The following COL10A1 variants were observed in gnomAD, a reference collection of about 807,000 sequenced individuals.
COL10A1 encodes the protein collagen alpha-1(X) chain.
A neutral mutation model predicts 18.2 loss-of-function variants in COL10A1; 10 were observed. The ratio of observed to expected loss-of-function variants is 0.55; its 90% CI spans 0.34 to 0.93. The LOEUF is 0.93. Among genes scored for constraint, COL10A1 ranks in the 40% least tolerant of loss-of-function variants. The pLI, the probability that COL10A1 is intolerant of heterozygous loss-of-function variation, is 0.02. For synonymous variants in COL10A1, 330 were observed against 316.6 expected (o/e 1.04, Z -0.45); for missense variants, 897 against 853.5 (o/e 1.05, Z -0.64).
upstream of COL10A1, among the ~76,000 whole-genome samples, chr6:116,160,471 T>G (rs1485218085): frequency 6.6e-6 from 1 of 152,006 alleles, no homozygotes; most frequent in Non-Finnish European, 1.5e-5. Context: ...ATTTTTGTGG[T>G]TTTTTTTCTT....
upstream of COL10A1, among the ~76,000 whole-genome samples, chr6:116,159,441 C>T (rs570030767): frequency 5.9e-5 from 9 of 152,244 alleles, no homozygotes; most frequent in African/African-American, 2.2e-4. Context: ...TTTATTGCCT[C>T]TGAGTTAAAG....
rs377607071 is a variant in COL10A1, at chr6:116,121,252, T to A, written c.864A>T (p.Gly288=). The A allele has an allele frequency of 6.2e-7, 1 of 1,613,828 alleles. No individual in the cohort carries two copies. The highest frequency in any genetic ancestry group is 8.5e-7 in the Non-Finnish European group (1 of 1,179,920). ...CAGGAGGCCCTGGGGGCCCAGCTAT[T>A]CCTGGAGCCCCAGGGAGACCTTTTG... ...PGTKGLPGAP[G]IAGPPGPPGF... The change falls in exon 3 of 3, where the codon GGA becomes GGT. Residue 288 remains glycine, a synonymous_variant. Coordinates refer to ENST00000651968, the MANE Select transcript of COL10A1 (RefSeq NM_000493.4).
chr6:116,203,178 A>G, the COL10A1 span, among the ~76,000 whole-genome samples: 1 of 152,074 alleles, frequency 6.6e-6, no homozygotes, highest in East Asian at 1.9e-4. Context: ...GTTTTACAGT[A>G]TTGTATTAGA....
chr6:116,183,646 A>T, the COL10A1 span, among the ~76,000 whole-genome samples: 90 of 146,694 alleles, frequency 6.1e-4, no homozygotes, highest in Admixed American at 2.2e-3. Context: ...TTATTTTATT[A>T]TTTTTTTTTT....
intron 1 of COL10A1, among the ~76,000 whole-genome samples, chr6:116,155,942 A>G (rs1398792575): frequency 6.6e-6 from 1 of 152,158 alleles, no homozygotes; most frequent in Non-Finnish European, 1.5e-5. Flanking sequence ...AAATGTATTC[A>G]GTTACCTAAA....
the COL10A1 span, among the ~76,000 whole-genome samples, chr6:116,210,217 C>A: frequency 2.6e-5 from 4 of 151,978 alleles, no homozygotes; most frequent in African/African-American, 9.7e-5. Context: ...GCTTAAAAGA[C>A]TTTCCACATT....
the COL10A1 span, among the ~76,000 whole-genome samples, chr6:116,193,820 T>A: frequency 6.6e-6 from 1 of 151,904 alleles, no homozygotes; most frequent in Non-Finnish European, 1.5e-5. Flanking sequence ...CCTATAATCC[T>A]AGCACTTTGG....
intron 1 of COL10A1, among the ~76,000 whole-genome samples, chr6:116,133,802 G>A (rs1779524235): frequency 6.6e-6 from 1 of 152,004 alleles, no homozygotes; most frequent in African/African-American, 2.4e-5. Flanking sequence ...TGGCCTTTTT[G>A]CACCCTGGTT....
chr6:116,186,204 C>T, the COL10A1 span, among the ~76,000 whole-genome samples: 2 of 151,990 alleles, frequency 1.3e-5, no homozygotes, highest in Non-Finnish European at 2.9e-5. Context: ...GACCCCAATG[C>T]TGTCTAGCTT....
Position 116,134,125 on chromosome 6 carries a change from G to C in COL10A1, c.-15-8618C>G, listed in dbSNP as rs568990115. Among the ~76,000 whole-genome samples, 5 of 152,284 alleles carry C rather than the reference G, an allele frequency of 3.3e-5. No homozygotes were observed. The South Asian group carries it at 8.3e-4, about 25-fold the overall frequency. On this transcript the variant is annotated intron_variant, in intron 1 of 1. Transcript: ENST00000418500. ...ACACATAAGTGGCAAAACAGTGCTT[G>C]GGAATGCTCCACAATTGTGATTGGT...
intron 1 of COL10A1, among the ~76,000 whole-genome samples, chr6:116,135,881 A>G (rs1779588441): frequency 2.7e-5 from 4 of 146,932 alleles, no homozygotes; most frequent in South Asian, 2.1e-4. Flanking sequence ...ATACACACAT[A>G]CACACACATT....
chr6:116,205,913 A>T, the COL10A1 span, among the ~76,000 whole-genome samples: 3 of 151,894 alleles, frequency 2.0e-5, no homozygotes, highest in Admixed American at 6.6e-5. Context: ...CCTCATTTTC[A>T]TATCTGCACA....
the COL10A1 span, among the ~76,000 whole-genome samples, chr6:116,209,583 G>A: frequency 6.6e-6 from 1 of 151,972 alleles, no homozygotes; most frequent in Non-Finnish European, 1.5e-5. Flanking sequence ...GCTCCTCATA[G>A]AAGGTAACCT....
chr6:116,205,061 A>G, the COL10A1 span, among the ~76,000 whole-genome samples: 1 of 152,020 alleles, frequency 6.6e-6, no homozygotes, highest in Non-Finnish European at 1.5e-5. Context: ...TGAAAAGTAT[A>G]CAGTGCAGAA....
chr6:116,119,730 A>C lies in COL10A1; in HGVS notation c.*343T>G. 2 of 216,294 alleles carry C rather than the reference A, an allele frequency of 9.2e-6. No individual in the cohort carries two copies. Among genetic ancestry groups the C allele is most frequent in the Non-Finnish European group, 1.8e-5 (2 of 109,654 alleles). 13.4% of individuals were successfully genotyped at this position (216,294 alleles called of 1,614,324 possible). Reference sequence around the variant, plus strand: ...TCTCAAATCAAATTTCACATAACTTAGAGCTCTATTTCTGTTTTTTTTTTT... The same window carrying C: ...TCTCAAATCAAATTTCACATAACTTCGAGCTCTATTTCTGTTTTTTTTTTT... On this transcript the variant is annotated 3_prime_UTR_variant, in exon 3 of 3. Coordinates refer to ENST00000651968, the MANE Select transcript of COL10A1 (RefSeq NM_000493.4).
In COL10A1 at chr6:116,121,174, G is replaced by A. The variant is rs1392448485; in HGVS notation, c.942C>T (p.Gly314=). Residue 314 remains glycine (G), a synonymous_variant, in exon 3 of 3, where the codon GGC becomes GGT. Coordinates refer to ENST00000651968, the MANE Select transcript of COL10A1 (RefSeq NM_000493.4). The part of the protein sequence containing the change: ...PGLKGERGPA[G]LPGGPGAKGE... ...CTTTGGCACCTGGACCCCCAGGAAGGCCAGCAGGTCCTCTTTCTCCCTTCA... is the reference window on the plus strand; with the variant it reads ...CTTTGGCACCTGGACCCCCAGGAAGACCAGCAGGTCCTCTTTCTCCCTTCA... 16 of 1,613,072 alleles carry A rather than the reference G, an allele frequency of 9.9e-6. No homozygotes were observed. The Admixed American group carries it at 2.7e-4, about 27-fold the overall frequency.
At chr6:116,196,560 AT>A in the COL10A1 span, among the ~76,000 whole-genome samples, 3 of 152,058 alleles carry the variant, frequency 2.0e-5, no homozygotes, top group Non-Finnish European at 4.4e-5. Flanking sequence ...TACTCAAACT[AT>A]TTGGATGTTA....
intron 1 of COL10A1, among the ~76,000 whole-genome samples, chr6:116,134,023 G>T (rs1367293624): frequency 6.6e-6 from 1 of 152,054 alleles, no homozygotes; most frequent in Non-Finnish European, 1.5e-5. Context: ...TGCTAATCAG[G>T]CGGAAGTTTA....
At chr6:116,169,152 A>G in the COL10A1 span, among the ~76,000 whole-genome samples, 1 of 151,496 alleles carries the variant, frequency 6.6e-6, no homozygotes, top group Non-Finnish European at 1.5e-5. Flanking sequence ...CCAGATTCCA[A>G]GCTCAGCTTT....
Sources: allele counts gnomAD v4.1 joint callset (sites outside exome capture counted in the v4.1 genomes callset), GRCh38; gene constraint gnomAD v4.1.1; transcripts MANE v1.5; gene names NCBI Gene and HGNC (gene_info 2026-07-23, HGNC 2026-07-21).